The following LGR5 variants were observed in gnomAD, a reference collection of about 807,000 sequenced individuals.
LGR5 encodes leucine-rich repeat-containing G protein-coupled receptor 5.
LGR5 carries 54 observed loss-of-function variants against 76.7 expected under a neutral mutation model. The ratio of observed to expected loss-of-function variants is 0.70; its 90% CI spans 0.57 to 0.88. LGR5 has a LOEUF of 0.88. Among genes scored for constraint, LGR5 ranks in the 40% least tolerant of loss-of-function variants. LGR5 has a pLI of 0.00. For synonymous variants in LGR5, 406 were observed against 421.9 expected (o/e 0.96, Z 0.46); for missense variants, 1,078 against 1,073.3 (o/e 1.00, Z -0.06).
chr12:71,497,778 CT>C (rs1391048548), intron 1 of LGR5, among the ~76,000 whole-genome samples: 1 of 152,158 alleles, frequency 6.6e-6, no homozygotes, highest in African/African-American at 2.4e-5. Flanking sequence ...TTGCACTGTG[CT>C]GCTAAAGATG....
At chr12:71,515,970 C>T (rs1167736684) in intron 2 of LGR5, among the ~76,000 whole-genome samples, 1 of 152,158 alleles carries the variant, frequency 6.6e-6, no homozygotes, top group Non-Finnish European at 1.5e-5. Flanking sequence ...CCTTTTGGAG[C>T]TTTGGTGTCT....
intron 16 of LGR5, 153 bp from the exon 17 acceptor site, chr12:71,582,302 CA>C: frequency 1.6e-6 from 1 of 622,118 alleles, no homozygotes; most frequent in South Asian, 2.0e-5. Flanking sequence ...GTCAAACATC[CA>C]AAGGCAACTT....
At chr12:71,482,413 G>A (rs771190277) in intron 1 of LGR5, among the ~76,000 whole-genome samples, 1 of 151,948 alleles carries the variant, frequency 6.6e-6, no homozygotes, top group African/African-American at 2.4e-5. Context: ...TTCTCTTTGT[G>A]TCTCCACATG....
chr12:71,451,985 C>T (rs1200715003), intron 1 of LGR5, among the ~76,000 whole-genome samples: 1 of 152,220 alleles, frequency 6.6e-6, no homozygotes, highest in Non-Finnish European at 1.5e-5. Flanking sequence ...TCACCCCAAG[C>T]TCAGATTTCA....
At chr12:71,494,003 G>A (rs1874198791) in intron 1 of LGR5, among the ~76,000 whole-genome samples, 1 of 148,096 alleles carries the variant, frequency 6.8e-6, no homozygotes. Flanking sequence ...GAGTGTAGTG[G>A]CGTGATCTCG....
At chr12:71,502,007 T>A (rs543690598) in intron 1 of LGR5, among the ~76,000 whole-genome samples, 98 of 152,264 alleles carry the variant, frequency 6.4e-4, no homozygotes, top group Middle Eastern at 3.4e-3. Flanking sequence ...CTATTAAAAG[T>A]TATTTTCTGC....
rs935914171 is a variant in LGR5 at position 71,584,726 on chromosome 12, T to C, written c.2716T>C (p.Cys906Arg). The change falls in exon 18 of 18, where the codon TGT becomes CGT. Residue 906 changes from cysteine (C) to arginine (R), a missense_variant. Physicochemically the swap from Cys to Arg is radical, Grantham distance 180. Coordinates refer to ENST00000266674, the MANE Select transcript of LGR5 (RefSeq NM_003667.4). ...TCTTTCCTCTGTGGCATTTGTCCCA[T>C]GTCTCTAATTAATATGTGAAGGAAA... Reference protein sequence around the residue: ...CHLSSVAFVPCL With the variant: ...CHLSSVAFVPRL 5.6e-6 allele frequency: 9 copies of C among 1,608,612 alleles called. No homozygotes were observed. In the East Asian group the frequency reaches 6.7e-5, roughly 12 times the overall value.
At chr12:71,562,917 T>C (rs1174434185) in intron 8 of LGR5, among the ~76,000 whole-genome samples, 1 of 152,162 alleles carries the variant, frequency 6.6e-6, no homozygotes, top group African/African-American at 2.4e-5. Flanking sequence ...AAAAAAACTA[T>C]TCATTGTTTC....
chr12:71,579,602 T>G (rs1410343873), intron 15 of LGR5, among the ~76,000 whole-genome samples: 1 of 152,220 alleles, frequency 6.6e-6, no homozygotes, highest in Non-Finnish European at 1.5e-5. Flanking sequence ...TCATGGAAAA[T>G]GGGGTATTCA....
rs989280386 is a variant in LGR5, at chr12:71,542,818, G to A, written c.428+7632G>A. Among the ~76,000 whole-genome samples, 3 of 151,928 alleles carry A rather than the reference G, an allele frequency of 2.0e-5. No homozygotes were observed. In the South Asian group the frequency reaches 6.3e-4, roughly 32 times the overall value. On this transcript the variant is annotated intron_variant, in intron 4 of 17. Transcript: ENST00000266674. ...GTCTTGAGCACTTGTGTTTGAGGAG[G>A]AACAACTAAGTAGAGATGTCACATA...
intron 4 of LGR5, among the ~76,000 whole-genome samples, chr12:71,537,474 T>TAAGAA (rs373750009): frequency 0.18 from 27,529 of 150,176 alleles, 2,919 homozygotes; most frequent in Admixed American, 0.28. Flanking sequence ...CACTCCAGAG[T>TAAGAA]AAGAAAAGAA....
intron 1 of LGR5, among the ~76,000 whole-genome samples, chr12:71,484,992 T>C (rs149092194): frequency 6.6e-6 from 1 of 152,220 alleles, no homozygotes; most frequent in East Asian, 1.9e-4. Flanking sequence ...AAACATTTTT[T>C]AGAATTATCC....
intron 3 of LGR5, among the ~76,000 whole-genome samples, chr12:71,526,733 C>T (rs1444275479): frequency 6.6e-6 from 1 of 152,062 alleles, no homozygotes; most frequent in East Asian, 1.9e-4. Context: ...TACTGTGAAA[C>T]TACAGAGGTT....
intron 1 of LGR5, among the ~76,000 whole-genome samples, chr12:71,446,425 C>A (rs1241266750): frequency 6.6e-6 from 1 of 152,178 alleles, no homozygotes; most frequent in East Asian, 1.9e-4. Flanking sequence ...CTAAATACTT[C>A]ACTCAGTCAT....
intron 4 of LGR5, among the ~76,000 whole-genome samples, chr12:71,543,624 TAG>T (rs1439523470): frequency 6.6e-6 from 1 of 152,228 alleles, no homozygotes; most frequent in Admixed American, 6.5e-5. Context: ...GGAAGAACTG[TAG>T]ATTTCTAACA....
chr12:71,480,823 G>A (rs937728773), intron 1 of LGR5, among the ~76,000 whole-genome samples: 2 of 152,140 alleles, frequency 1.3e-5, no homozygotes, highest in African/African-American at 4.8e-5. Flanking sequence ...TCCTCACATG[G>A]TGGCATAAAA....
At chr12:71,562,688 G>A (rs922044506) in intron 8 of LGR5, among the ~76,000 whole-genome samples, 5 of 152,230 alleles carry the variant, frequency 3.3e-5, no homozygotes, top group African/African-American at 1.2e-4. Flanking sequence ...TAGACAAAAG[G>A]CTCCTCTCGG....
chr12:71,557,058 C>T (rs1000598666), intron 6 of LGR5, among the ~76,000 whole-genome samples: 9 of 152,178 alleles, frequency 5.9e-5, no homozygotes, highest in African/African-American at 1.4e-4. Context: ...CCAATGCCTG[C>T]GTCTTCAATC....
At chr12:71,481,485 T>G (rs1366320793) in intron 1 of LGR5, among the ~76,000 whole-genome samples, 1 of 152,192 alleles carries the variant, frequency 6.6e-6, no homozygotes, top group Non-Finnish European at 1.5e-5. Context: ...TTTTCTTTAT[T>G]CAGTCTATCA....
Sources: allele counts gnomAD v4.1 joint callset (sites outside exome capture counted in the v4.1 genomes callset), GRCh38; gene constraint gnomAD v4.1.1; transcripts MANE v1.5; gene names NCBI Gene and HGNC (gene_info 2026-07-23, HGNC 2026-07-21).